Variants in TMEM196 observed in about 807,000 individuals in gnomAD.
TMEM196 encodes transmembrane protein 196.
TMEM196 carries 17 observed loss-of-function variants against 20.0 expected under a neutral mutation model. The observed-to-expected ratio is 0.85, with a 90% CI of 0.58 to 1.27. The LOEUF is 1.27. Ranked by LOEUF, TMEM196 falls within the 50% of genes most tolerant of loss-of-function variation. TMEM196 has a pLI of 0.00. For synonymous variants in TMEM196, 113 were observed against 88.9 expected (o/e 1.27, Z -1.52); for missense variants, 267 against 223.0 (o/e 1.20, Z -1.26).
At chr7:19,765,931 C>A (rs1435051179) in intron 1 of TMEM196, among the ~76,000 whole-genome samples, 1 of 152,016 alleles carries the variant, frequency 6.6e-6, no homozygotes, top group Non-Finnish European at 1.5e-5. Context: ...ATATTGAGAG[C>A]CAGAGCATCA....
chr7:19,757,049 A>G (rs903722755), intron 1 of TMEM196, among the ~76,000 whole-genome samples: 18 of 152,174 alleles, frequency 1.2e-4, no homozygotes, highest in African/African-American at 4.3e-4. Context: ...CAAATATCTT[A>G]TCACTCAGAA....
chr7:19,725,381 C>T, intron 3 of TMEM196, 133 bp downstream of exon 3: 1 of 1,190,192 alleles, frequency 8.4e-7, no homozygotes, highest in Non-Finnish European at 1.1e-6. Flanking sequence ...AATTTCTATT[C>T]TTAACCCAAT....
Position 19,772,834 on chromosome 7 carries a change from A to C in TMEM196, c.-138T>G, listed in dbSNP as rs190691884. On this transcript the variant is annotated 5_prime_UTR_variant, in exon 1 of 5. Transcript: ENST00000405844. ...TTTCTTCAAGAGCGAGGCATTATCC[A>C]CAAGGGCTGGATTTCCAGAAACGAA... The C allele has an allele frequency of 2.3e-6, 2 of 855,758 alleles. No individual in the cohort carries two copies. The highest frequency in any genetic ancestry group is 1.7e-5 in the African/African-American group (1 of 57,252). The allele number at this position is 855,758 out of a possible 1,614,324, so 53.0% of individuals were successfully genotyped here.
At position 19,772,846 on chromosome 7, in the gene TMEM196, T is replaced by C; in HGVS notation, c.-150A>G. 1 of 770,156 alleles carries C rather than the reference T, an allele frequency of 1.3e-6. No individual in the cohort carries two copies. The highest frequency in any genetic ancestry group is 4.7e-5 in the South Asian group (1 of 21,228). 47.7% of individuals were successfully genotyped at this position (770,156 alleles called of 1,614,324 possible). A position where few individuals can be genotyped will look rare whatever the true frequency, so the allele number is the denominator to read the frequency against. Reference sequence around the variant, plus strand: ...CGAGGCATTATCCACAAGGGCTGGATTTCCAGAAACGAAGACCTTCCCTGG... The same window carrying C: ...CGAGGCATTATCCACAAGGGCTGGACTTCCAGAAACGAAGACCTTCCCTGG... On this transcript the variant is annotated 5_prime_UTR_variant, in exon 1 of 5. Coordinates refer to ENST00000405844, the MANE Select transcript of TMEM196 (RefSeq NM_001363562.2).
chr7:19,728,134 C>T (rs1407960580), intron 2 of TMEM196, among the ~76,000 whole-genome samples: 2 of 151,960 alleles, frequency 1.3e-5, no homozygotes, highest in African/African-American at 4.8e-5. Flanking sequence ...TTGTATAAAA[C>T]AACAACAACA....
At chr7:19,766,819 T>C (rs1183705486) in intron 1 of TMEM196, among the ~76,000 whole-genome samples, 1 of 151,978 alleles carries the variant, frequency 6.6e-6, no homozygotes, top group Non-Finnish European at 1.5e-5. Context: ...TGATTAATTG[T>C]TGCATGAAAA....
intron 1 of TMEM196, among the ~76,000 whole-genome samples, chr7:19,745,779 C>T (rs1384702889): frequency 6.7e-6 from 1 of 149,448 alleles, no homozygotes; most frequent in African/African-American, 2.5e-5. Flanking sequence ...GAGAGGACAT[C>T]AAACCTTAGG....
intron 4 of TMEM196, among the ~76,000 whole-genome samples, chr7:19,723,416 A>G (rs1468574486): frequency 6.6e-6 from 1 of 152,236 alleles, no homozygotes; most frequent in Non-Finnish European, 1.5e-5. Flanking sequence ...TAGAAATGAT[A>G]AAAAGTGAAT....
intron 1 of TMEM196, among the ~76,000 whole-genome samples, chr7:19,752,993 T>A (rs904227323): frequency 3.3e-5 from 5 of 152,150 alleles, no homozygotes; most frequent in African/African-American, 9.7e-5. Flanking sequence ...TCCAAGCCAA[T>A]TTGACAACTG....
intron 1 of TMEM196, among the ~76,000 whole-genome samples, chr7:19,751,563 A>G (rs1784961178): frequency 1.3e-5 from 2 of 152,230 alleles, no homozygotes; most frequent in Admixed American, 6.5e-5. Context: ...TCCTGCAGGT[A>G]TGCTGATACT....
At chr7:19,733,173 A>T (rs370360853) in intron 1 of TMEM196, among the ~76,000 whole-genome samples, 5 of 152,220 alleles carry the variant, frequency 3.3e-5, no homozygotes, top group African/African-American at 1.2e-4. Flanking sequence ...TTTAGATTAT[A>T]TTCAATAGAA....
intron 1 of TMEM196, among the ~76,000 whole-genome samples, chr7:19,743,759 G>T (rs995759169): frequency 1.8e-4 from 27 of 152,130 alleles, no homozygotes; most frequent in African/African-American, 5.5e-4. Context: ...AAGCAAACAT[G>T]AATTACATCT....
At chr7:19,725,231 AT>A (rs1342521615) in intron 3 of TMEM196, among the ~76,000 whole-genome samples, 1 of 152,212 alleles carries the variant, frequency 6.6e-6, no homozygotes, top group African/African-American at 2.4e-5. Flanking sequence ...TTTCCTCAGT[AT>A]AATACATAAA....
chr7:19,760,047 G>A (rs193068069), intron 1 of TMEM196, among the ~76,000 whole-genome samples: 99 of 152,152 alleles, frequency 6.5e-4, no homozygotes, highest in African/African-American at 2.3e-3. Context: ...GTTGTGGCAC[G>A]TATATAAAGT....
intron 1 of TMEM196, among the ~76,000 whole-genome samples, chr7:19,767,294 C>G (rs1029319960): frequency 2.6e-5 from 4 of 152,102 alleles, no homozygotes; most frequent in African/African-American, 9.6e-5. Flanking sequence ...TGGTATGGCC[C>G]CCTGAATAAT....
chr7:19,747,148 G>T (rs904521982), intron 1 of TMEM196, among the ~76,000 whole-genome samples: 1 of 150,856 alleles, frequency 6.6e-6, no homozygotes, highest in Non-Finnish European at 1.5e-5. Context: ...CCAGCTACTT[G>T]GGAGGCTGAG....
Position 19,721,023 on chromosome 7 carries a change from C to T in TMEM196, c.*1105G>A, listed in dbSNP as rs939601346. The T allele has an allele frequency of 6.6e-6, 1 of 151,790 alleles. No homozygotes were observed. The highest frequency in any genetic ancestry group is 1.5e-5 in the Non-Finnish European group (1 of 67,788). 9.4% of individuals were successfully genotyped at this position (151,790 alleles called of 1,614,324 possible). On this transcript the variant is annotated 3_prime_UTR_variant, in exon 5 of 5. Coordinates refer to ENST00000405844, the MANE Select transcript of TMEM196 (RefSeq NM_001363562.2). ...TTATAAATTAATTTTAATTGCTATA[C>T]ATAAATACTATAATCATAGTGAAAT...
At chr7:19,730,683 A>G (rs1784173433) in intron 1 of TMEM196, among the ~76,000 whole-genome samples, 1 of 152,220 alleles carries the variant, frequency 6.6e-6, no homozygotes, top group Non-Finnish European at 1.5e-5. Flanking sequence ...TACATATCAA[A>G]ATATACTAAG....
chr7:19,724,357 A>C lies in TMEM196; in HGVS notation c.460-4T>G. 1 of 1,550,034 alleles carries C rather than the reference A, an allele frequency of 6.5e-7. No homozygotes were observed. Among genetic ancestry groups the C allele is most frequent in the Non-Finnish European group, 8.7e-7 (1 of 1,146,568 alleles). Reference sequence around the variant, plus strand: ...TTATTTCAATAGCCCTCAATCTCTAATGTAAATATAACAATCATACAATAA... The same window carrying C: ...TTATTTCAATAGCCCTCAATCTCTACTGTAAATATAACAATCATACAATAA... On this transcript the variant is annotated splice_polypyrimidine_tract_variant and splice_region_variant and intron_variant, in intron 3 of 4. Coordinates refer to ENST00000405844, the MANE Select transcript of TMEM196 (RefSeq NM_001363562.2).
Sources: allele counts gnomAD v4.1 joint callset (sites outside exome capture counted in the v4.1 genomes callset), GRCh38; gene constraint gnomAD v4.1.1; transcripts MANE v1.5; gene names NCBI Gene and HGNC (gene_info 2026-07-23, HGNC 2026-07-21).